Variants in SLC1A5 observed in about 807,000 individuals in gnomAD.
SLC1A5 encodes solute carrier family 1 member 5, also known as neutral amino acid transporter B(0).
In SLC1A5, 25 loss-of-function variants were observed where a neutral mutation model predicts 34.9. That is an observed-to-expected ratio of 0.72 (90% CI 0.52 to 1.00). SLC1A5 has a LOEUF of 1.00. Among genes scored for constraint, SLC1A5 ranks in the 50% least tolerant of loss-of-function variants. The probability of loss-of-function intolerance (pLI) is 0.00; values close to 1 mark genes in which losing one functional copy is unlikely to be tolerated. For missense variants in SLC1A5, 637 were observed against 740.0 expected (o/e 0.86, Z 1.61); for synonymous variants, 351 against 341.2 (o/e 1.03, Z -0.32).
chr19:46,784,333 A>C (rs923374189), intron 2 of SLC1A5, among the ~76,000 whole-genome samples, 184 bp downstream of exon 2: 1 of 152,174 alleles, frequency 6.6e-6, no homozygotes, highest in Non-Finnish European at 1.5e-5. Flanking sequence ...CGAGGCTCAG[A>C]GAGGTAAACA....
At position 46,782,534 on chromosome 19, in the gene SLC1A5, C is replaced by T; in HGVS notation, c.673G>A (p.Glu225Lys). 2.5e-6 allele frequency: 4 copies of T among 1,614,028 alleles called. No homozygotes were observed. The highest frequency in any genetic ancestry group is 2.5e-6 in the Non-Finnish European group (3 of 1,180,002). The change falls in exon 4 of 8, where the codon GAG (glutamate) becomes AAG (lysine). Residue 225 changes from glutamate (E) to lysine (K), a missense_variant. Transcript: ENST00000542575. ...GTRVKVPVGQEVEGMNILGLV... is the reference protein window; with the variant it reads ...GTRVKVPVGQKVEGMNILGLV... Reference sequence around the variant, plus strand: ...CCCAGGATGTTCATCCCCTCCACCTCCTGCCCCACGGGCACCTGTGGGCAA... The same window carrying T: ...CCCAGGATGTTCATCCCCTCCACCTTCTGCCCCACGGGCACCTGTGGGCAA...
In SLC1A5 at chr19:46,782,367, CT is replaced by C; in HGVS notation, c.824+15del. 1 of 1,543,358 alleles carries C rather than the reference CT, an allele frequency of 6.5e-7. No homozygotes were observed. The highest frequency in any genetic ancestry group is 8.9e-7 in the Non-Finnish European group (1 of 1,123,734). On this transcript the variant is annotated intron_variant, in intron 4 of 7. Coordinates refer to ENST00000542575, the MANE Select transcript of SLC1A5 (RefSeq NM_005628.3). Reference sequence around the variant, plus strand: ...TCCAACCCCACCCACCCCCAGCCTCCTCTCCCACCACCTACCACATGATCCA... The same window carrying C: ...TCCAACCCCACCCACCCCCAGCCTCCCTCCCACCACCTACCACATGATCCA...
Position 46,787,966 on chromosome 19 carries a change from G to A in SLC1A5, c.-1C>T. ...AGTCTCGAGGAGGATCGGCCACCAT[G>A]ATGGGAAGCACCGGGGTTTCTTAGC... On this transcript the variant is annotated 5_prime_UTR_variant, in exon 1 of 8. Coordinates refer to ENST00000542575, the MANE Select transcript of SLC1A5 (RefSeq NM_005628.3). This position sits in a 1 kb window ranked among gnomAD's most constrained non-coding sequence, Gnocchi z 5.2. 1 of 1,555,832 alleles carries A rather than the reference G, an allele frequency of 6.4e-7. No individual in the cohort carries two copies. The highest frequency in any genetic ancestry group is 8.7e-7 in the Non-Finnish European group (1 of 1,154,500).
intron 4 of SLC1A5, 101 bp downstream of exon 4, chr19:46,782,282 T>C: frequency 1.1e-6 from 1 of 908,862 alleles, no homozygotes; most frequent in Middle Eastern, 3.4e-4. Context: ...AAAGAGTGAA[T>C]AGAGGGTGCC....
In SLC1A5 at chr19:46,782,309, G is replaced by T. The variant is rs1599732876; in HGVS notation, c.824+74C>A. 4 of 1,354,946 alleles carry T rather than the reference G, an allele frequency of 3.0e-6. No homozygotes were observed. The African/African-American group carries it at 4.3e-5, about 15-fold the overall frequency. 83.9% of individuals were successfully genotyped at this position (1,354,946 alleles called of 1,614,324 possible). A position where few individuals can be genotyped will look rare whatever the true frequency, so the allele number is the denominator to read the frequency against. The stretch of plus-strand genomic sequence containing the variant: ...GAGGGTGCCCCATCCCAAACAGAAT[G>T]CCCCGCACCTGCCTCTGGCAGCAGA... On this transcript the variant is annotated intron_variant, in intron 4 of 7. Transcript: ENST00000542575.
chr19:46,779,999 C>T (rs921207863), intron 4 of SLC1A5, among the ~76,000 whole-genome samples: 2 of 151,910 alleles, frequency 1.3e-5, no homozygotes, highest in Admixed American at 6.6e-5. Flanking sequence ...ACTATAGGCG[C>T]GTGCTACCAC....
chr19:46,781,060 G>C (rs1349120538), intron 4 of SLC1A5, among the ~76,000 whole-genome samples: 1 of 152,282 alleles, frequency 6.6e-6, no homozygotes, highest in Admixed American at 6.5e-5. Context: ...AAGCATTTGC[G>C]ATGTGCTCTG....
At position 46,780,087 on chromosome 19, in the gene SLC1A5, C is replaced by T. The variant is rs369201895; in HGVS notation, c.825-1179G>A. On this transcript the variant is annotated intron_variant, in intron 4 of 7. Transcript: ENST00000542575. Reference sequence around the variant, plus strand: ...CAGGATGGTCTCGATCTCCTGACCTCGTGATCTGCCTGCCTCAGCCTCCCA... The same window carrying T: ...CAGGATGGTCTCGATCTCCTGACCTTGTGATCTGCCTGCCTCAGCCTCCCA... Among the ~76,000 whole-genome samples, 11 of 152,146 alleles carry T rather than the reference C, an allele frequency of 7.2e-5. No homozygotes were observed. In the East Asian group the frequency reaches 1.4e-3, roughly 19 times the overall value.
intron 4 of SLC1A5, 41 bp downstream of exon 4, chr19:46,782,342 T>TGC: frequency 5.7e-5 from 30 of 523,364 alleles, no homozygotes; most frequent in Non-Finnish European, 7.3e-5. Context: ...AGACCGACCC[T>TGC]CCAACCCCAC....
intron 1 of SLC1A5, among the ~76,000 whole-genome samples, chr19:46,785,328 A>AG (rs1456400026): frequency 6.6e-6 from 1 of 152,124 alleles, no homozygotes; most frequent in Admixed American, 6.6e-5. Context: ...GCTGCAGTGA[A>AG]CCAAGATCAA....
chr19:46,778,828 A>G lies in SLC1A5; in HGVS notation c.905T>C (p.Leu302Pro). ...CAGGCAGCACAGAATGTACTTGCCA[A>G]GGCGGGCAAAGAGTAAACCCACATC... ...MEDVGLLFAR[L>P]GKYILCCLLG... Residue 302 changes from leucine (L) to proline (P), a missense_variant, in exon 5 of 8, where the codon CTT becomes CCT. Transcript: ENST00000542575. 6.2e-7 allele frequency: 1 copy of G among 1,611,134 alleles called. No individual in the cohort carries two copies. The highest frequency in any genetic ancestry group is 1.3e-5 in the African/African-American group (1 of 75,004).
intron 4 of SLC1A5, 41 bp from the exon 5 acceptor site, chr19:46,778,949 G>A (rs542256056): frequency 8.3e-6 from 12 of 1,443,798 alleles, no homozygotes; most frequent in Admixed American, 4.4e-5. Context: ...CCTCTTCCAC[G>A]GGCCCAGTGG....
In SLC1A5 at chr19:46,787,631, A is replaced by T; in HGVS notation, c.335T>A (p.Leu112Ter). ...MIILPLVVCSLIGGAASLDPG... is the reference protein window; with the variant it reads ...MIILPLVVCS ...GTCCAGGCTGGCGGCGCCGCCGATC[A>T]AGCTGCACACCACCAGCGGCAAGAT... Residue 112 changes from leucine to a stop codon, truncating the protein, a stop_gained, in exon 1 of 8, where the codon TTG (leucine) becomes TAG (stop). Coordinates refer to ENST00000542575, the MANE Select transcript of SLC1A5 (RefSeq NM_005628.3). LOFTEE classifies it high-confidence loss of function. The surrounding 1 kb of genome is among the most constrained non-coding windows in gnomAD (Gnocchi z 5.2). 1 of 1,576,524 alleles carries T rather than the reference A, an allele frequency of 6.3e-7. No homozygotes were observed.
chr19:46,781,866 G>A (rs1368831407), intron 4 of SLC1A5, among the ~76,000 whole-genome samples: 1 of 152,066 alleles, frequency 6.6e-6, no homozygotes, highest in African/African-American at 2.4e-5. Context: ...AATAAGCCAG[G>A]CACTGTCCTA....
At chr19:46,782,346 A>AACCCCCCCCCCCCCCACCCCCCCTCCCCC in intron 4 of SLC1A5, 37 bp downstream of exon 4, 4 of 567,986 alleles carry the variant, frequency 7.0e-6, no homozygotes, top group South Asian at 1.8e-5. Context: ...CGACCCTCCA[A>AACCCCCCCCCCCCCCACCCCCCCTCCCCC]CCCCACCCAC....
At chr19:46,775,990 A>G (rs1466261866) in intron 7 of SLC1A5, among the ~76,000 whole-genome samples, 1 of 151,752 alleles carries the variant, frequency 6.6e-6, no homozygotes, top group Non-Finnish European at 1.5e-5. Flanking sequence ...CTGGGGCAGG[A>G]GGATCGCTGG....
In SLC1A5 at chr19:46,774,919, A is replaced by T; in HGVS notation, c.*591T>A. 1 of 985,906 alleles carries T rather than the reference A, an allele frequency of 1.0e-6. No homozygotes were observed. Among genetic ancestry groups the T allele is most frequent in the South Asian group, 4.7e-5 (1 of 21,292 alleles). The allele number at this position is 985,906 out of a possible 1,614,324, so 61.1% of individuals were successfully genotyped here. Reference sequence around the variant, plus strand: ...ACACTCAATTTTATTGCTAAAAAAAATGTCCTCTGGAGTGACAGCAGGTAT... The same window carrying T: ...ACACTCAATTTTATTGCTAAAAAAATTGTCCTCTGGAGTGACAGCAGGTAT... On this transcript the variant is annotated 3_prime_UTR_variant, in exon 8 of 8. Coordinates refer to ENST00000542575, the MANE Select transcript of SLC1A5 (RefSeq NM_005628.3).
At chr19:46,781,275 G>T (rs1463756206) in intron 4 of SLC1A5, among the ~76,000 whole-genome samples, 1 of 152,224 alleles carries the variant, frequency 6.6e-6, no homozygotes, top group Non-Finnish European at 1.5e-5. Flanking sequence ...CTCTCCTGCT[G>T]TGAAGATCCC....
intron 4 of SLC1A5, 41 bp downstream of exon 4, chr19:46,782,342 T>TGCCACCCCCCCCCCCCCCCCCCCCCCC: frequency 1.9e-6 from 1 of 523,372 alleles, no homozygotes. Context: ...AGACCGACCC[T>TGCCACCCCCCCCCCCCCCCCCCCCCCC]CCAACCCCAC....
Sources: allele counts gnomAD v4.1 joint callset (sites outside exome capture counted in the v4.1 genomes callset), GRCh38; gene constraint gnomAD v4.1.1; non-coding constraint Gnocchi (gnomAD v3.1); transcripts MANE v1.5; gene names NCBI Gene and HGNC (gene_info 2026-07-23, HGNC 2026-07-21).